PRELID2: variants seen among roughly 807,000 people sequenced by gnomAD.
PRELID2 encodes the protein PRELI domain containing 2.
Under a neutral mutation model 28.4 loss-of-function variants are expected in PRELID2, and 25 were observed. The ratio of observed to expected loss-of-function variants is 0.88; its 90% CI spans 0.64 to 1.23. The LOEUF is 1.23. Among genes scored for constraint, PRELID2 ranks in the 50% most tolerant of loss-of-function variants. The pLI is 0.00. For synonymous variants in PRELID2, 76 were observed against 71.6 expected (o/e 1.06, Z -0.31); for missense variants, 201 against 214.4 (o/e 0.94, Z 0.39).
At chr5:145,501,346 A>T (rs987060742) in intron 1 of PRELID2, among the ~76,000 whole-genome samples, 2 of 152,098 alleles carry the variant, frequency 1.3e-5, no homozygotes, top group Non-Finnish European at 2.9e-5. Flanking sequence ...CAACACCTCT[A>T]CTAACTTTTA....
At position 145,508,795 on chromosome 5, in the gene PRELID2, G is replaced by A. The variant is rs908662681; in HGVS notation, n.71-35480C>T. Among the ~76,000 whole-genome samples, 5 of 152,238 alleles carry A rather than the reference G, an allele frequency of 3.3e-5. No individual in the cohort carries two copies. In the South Asian group the frequency reaches 8.3e-4, roughly 25 times the overall value. The stretch of plus-strand genomic sequence containing the variant: ...GGAGAAAACAAACATGCAGGAAGTC[G>A]CTGGCTTGAGGGGTGGGAACAGAAT... On this transcript the variant is annotated intron_variant and non_coding_transcript_variant, in intron 1 of 2. Coordinates refer to the PRELID2 transcript ENST00000510259.
chr5:145,306,615 T>C, the PRELID2 span, among the ~76,000 whole-genome samples: 37,070 of 151,962 alleles, frequency 0.24, 5,534 homozygotes, highest in Non-Finnish European at 0.32. Flanking sequence ...TCTTGTACAG[T>C]TGAGTAAATC....
intron 1 of PRELID2, among the ~76,000 whole-genome samples, chr5:145,572,896 A>G (rs1753026653): frequency 6.6e-6 from 1 of 152,136 alleles, no homozygotes; most frequent in South Asian, 2.1e-4. Flanking sequence ...CTTGTGGGGT[A>G]TACTTTGTGA....
At chr5:145,675,946 C>T (rs1182136669) in intron 1 of PRELID2, among the ~76,000 whole-genome samples, 1 of 152,178 alleles carries the variant, frequency 6.6e-6, no homozygotes, top group Non-Finnish European at 1.5e-5. Context: ...TGGGGCTGGG[C>T]GCAGTGGCTC....
chr5:145,309,068 A>G, the PRELID2 span, among the ~76,000 whole-genome samples: 2 of 148,170 alleles, frequency 1.3e-5, no homozygotes, highest in Non-Finnish European at 3.0e-5. Context: ...ATTTTGACAC[A>G]TTAAAATATC....
intron 1 of PRELID2, among the ~76,000 whole-genome samples, chr5:145,735,919 G>T (rs772835947): frequency 1.2e-4 from 18 of 152,118 alleles, no homozygotes; most frequent in Admixed American, 6.5e-5. Context: ...AATCTTACTC[G>T]GCGCTCTCTC....
At chr5:145,521,778 A>G (rs1254053221) in intron 1 of PRELID2, among the ~76,000 whole-genome samples, 2 of 152,138 alleles carry the variant, frequency 1.3e-5, no homozygotes, top group Non-Finnish European at 2.9e-5. Context: ...TTCAAAGAAT[A>G]CTACTTTACT....
rs184546588 is a variant in PRELID2 at position 145,779,436 on chromosome 5, G to A, written c.475-14436C>T. 3.3e-5 allele frequency among the ~76,000 whole-genome samples: 5 copies of A among 151,682 alleles called. No individual in the cohort carries two copies. In the East Asian group the frequency reaches 9.7e-4, roughly 29 times the overall value. On this transcript the variant is annotated intron_variant, in intron 5 of 6. Transcript: ENST00000683046. ...AATAACCTGAATGTTCAATACTAAA[G>A]GGCAATATAAATTATTATATAACTA...
chr5:145,632,189 A>T (rs1353525954), intron 1 of PRELID2, among the ~76,000 whole-genome samples: 2 of 152,124 alleles, frequency 1.3e-5, no homozygotes. Flanking sequence ...CCTTAGGTAA[A>T]CAAGCCTCGG....
At chr5:145,505,852 G>A (rs1752405987) in intron 1 of PRELID2, among the ~76,000 whole-genome samples, 1 of 152,188 alleles carries the variant, frequency 6.6e-6, no homozygotes, top group South Asian at 2.1e-4. Flanking sequence ...TGACAATATG[G>A]ATGAAACTTG....
At chr5:145,476,838 A>C (rs914890074) in intron 1 of PRELID2, among the ~76,000 whole-genome samples, 5 of 152,198 alleles carry the variant, frequency 3.3e-5, no homozygotes, top group African/African-American at 1.2e-4. Context: ...TGAGAAAAAC[A>C]ATCAGGAAAA....
intron 1 of PRELID2, among the ~76,000 whole-genome samples, chr5:145,520,936 G>A: frequency 6.6e-6 from 1 of 151,876 alleles, no homozygotes; most frequent in East Asian, 1.9e-4. Flanking sequence ...ATATATAATT[G>A]AGCACAATTT....
the PRELID2 span, among the ~76,000 whole-genome samples, chr5:145,393,424 C>G: frequency 6.6e-6 from 1 of 152,112 alleles, no homozygotes; most frequent in African/African-American, 2.4e-5. Context: ...TTAAATTTAG[C>G]AGAGTTTAAT....
At chr5:145,500,644 G>T (rs917215896) in intron 1 of PRELID2, among the ~76,000 whole-genome samples, 11 of 152,244 alleles carry the variant, frequency 7.2e-5, no homozygotes, top group African/African-American at 2.6e-4. Context: ...AACAGAAATT[G>T]ATTTTGGTTA....
intron 4 of PRELID2, among the ~76,000 whole-genome samples, chr5:145,813,393 T>C (rs1754082904): frequency 2.0e-5 from 3 of 152,332 alleles, no homozygotes; most frequent in African/African-American, 7.2e-5. Flanking sequence ...ATAAGTTCTC[T>C]GGAATGTGGA....
the PRELID2 span, among the ~76,000 whole-genome samples, chr5:145,246,839 T>G: frequency 6.6e-6 from 1 of 152,150 alleles, no homozygotes. Flanking sequence ...CAAACTAACC[T>G]AGGGAAGAAA....
the PRELID2 span, among the ~76,000 whole-genome samples, chr5:145,411,398 T>C: frequency 2.6e-5 from 4 of 152,190 alleles, no homozygotes; most frequent in East Asian, 7.7e-4. Flanking sequence ...AGATGAGATT[T>C]GGGTGGGGAC....
At chr5:145,512,730 A>G (rs2126642179) in intron 1 of PRELID2, among the ~76,000 whole-genome samples, 1 of 152,256 alleles carries the variant, frequency 6.6e-6, no homozygotes, top group African/African-American at 2.4e-5. Context: ...CCTCATACAG[A>G]AGAGCACTGG....
At chr5:145,575,259 T>G (rs991380264) in intron 1 of PRELID2, among the ~76,000 whole-genome samples, 2 of 152,168 alleles carry the variant, frequency 1.3e-5, no homozygotes, top group African/African-American at 2.4e-5. Context: ...GTCAATAAAG[T>G]CAAATGATAC....
Sources: gnomAD v4.1 joint callset for allele counts (sites outside exome capture counted in the v4.1 genomes callset) on GRCh38, gnomAD v4.1.1 for gene constraint, MANE v1.5 for transcripts, NCBI Gene and HGNC (gene_info 2026-07-23, HGNC 2026-07-21) for gene names.